The following RBFOX1 variants were observed in gnomAD, a reference collection of about 807,000 sequenced individuals.
The protein encoded by RBFOX1 is RNA binding fox-1 homolog 1, also known as RNA binding protein fox-1 homolog 1.
A neutral mutation model predicts 57.7 loss-of-function variants in RBFOX1; 8 were observed. The ratio of observed to expected loss-of-function variants is 0.14; its 90% CI spans 0.08 to 0.25. The LOEUF (loss-of-function observed/expected upper bound fraction) is 0.25. Ranked by LOEUF, RBFOX1 falls within the 10% of genes least tolerant of loss-of-function variation. The pLI is 1.00. For missense variants in RBFOX1, 611 were observed against 548.5 expected, an observed-to-expected ratio of 1.11 and a Z score of -1.14; for synonymous variants, 326 against 222.4, an observed-to-expected ratio of 1.47 and a Z score of -4.15.
At chr16:5,405,936 TG>T in intron 1 of RBFOX1, among the ~76,000 whole-genome samples, 1 of 152,122 alleles carries the variant, frequency 6.6e-6, no homozygotes, top group East Asian at 1.9e-4. Flanking sequence ...GAGAACGCTC[TG>T]GGGAAGAGAG....
At chr16:6,078,973 T>G (rs2152502422) in intron 1 of RBFOX1, among the ~76,000 whole-genome samples, 1 of 152,310 alleles carries the variant, frequency 6.6e-6, no homozygotes, top group Non-Finnish European at 1.5e-5. Flanking sequence ...TAGCCTTTAT[T>G]ATATTAGCTT....
At chr16:7,415,095 G>C (rs912067672) in intron 4 of RBFOX1, among the ~76,000 whole-genome samples, 2 of 152,200 alleles carry the variant, frequency 1.3e-5, no homozygotes, top group South Asian at 2.1e-4. Flanking sequence ...AAAGTCATTA[G>C]CAGTACCAAC....
At chr16:6,581,768 G>C (rs1395928702) in intron 2 of RBFOX1, among the ~76,000 whole-genome samples, 2 of 152,144 alleles carry the variant, frequency 1.3e-5, no homozygotes, top group African/African-American at 4.8e-5. Context: ...GGTTTTACTG[G>C]GAACTCTCAA....
At chr16:6,761,289 A>G (rs577757035) in intron 3 of RBFOX1, among the ~76,000 whole-genome samples, 1 of 152,138 alleles carries the variant, frequency 6.6e-6, no homozygotes, top group Non-Finnish European at 1.5e-5. Flanking sequence ...CAGAGAACTG[A>G]CACTTGGATA....
rs1350754453 is a variant in RBFOX1 at position 6,855,954 on chromosome 16, T to G, written c.-15-196103T>G. On this transcript the variant is annotated intron_variant, in intron 3 of 15. Coordinates refer to ENST00000550418, the MANE Select transcript of RBFOX1 (RefSeq NM_018723.4). ...GCACATATTCACTTCATGGGCTCTG[T>G]CATTTGTACCCAAAGACTCCTGCCT... Among the ~76,000 whole-genome samples, 4 of 152,060 alleles carry G rather than the reference T, an allele frequency of 2.6e-5. No individual in the cohort carries two copies. The East Asian group carries it at 7.8e-4, about 30-fold the overall frequency.
chr16:7,165,398 A>AATAATAATAATG (rs1327767794), intron 4 of RBFOX1, among the ~76,000 whole-genome samples: 31 of 147,370 alleles, frequency 2.1e-4, no homozygotes, highest in Admixed American at 2.0e-3. Flanking sequence ...TAATAATAAT[A>AATAATAATAATG]ATAATAATAA....
chr16:6,952,184 G>T (rs1421776671), intron 3 of RBFOX1, among the ~76,000 whole-genome samples: 2 of 152,176 alleles, frequency 1.3e-5, no homozygotes, highest in Non-Finnish European at 2.9e-5. Context: ...CACTCTGAGA[G>T]AAGGAATCCT....
At chr16:7,332,784 C>T in intron 4 of RBFOX1, 1 of 1,391,366 alleles carries the variant, frequency 7.2e-7, no homozygotes, top group South Asian at 1.7e-5. Flanking sequence ...TTTGCAGCTG[C>T]TGTGTCTCTT....
intron 4 of RBFOX1, among the ~76,000 whole-genome samples, chr16:7,222,615 G>T (rs968313323): frequency 6.6e-6 from 1 of 152,146 alleles, no homozygotes; most frequent in African/African-American, 2.4e-5. Flanking sequence ...CCTCTCTGCC[G>T]CTTATGATCT....
At chr16:7,710,273 T>G (rs1355023910) in intron 15 of RBFOX1, 3 of 1,109,086 alleles carry the variant, frequency 2.7e-6, no homozygotes, top group Non-Finnish European at 3.3e-6. Context: ...GTTGGAGAGT[T>G]GAATTACATT....
intron 2 of RBFOX1, among the ~76,000 whole-genome samples, chr16:6,492,016 G>A (rs1384539417): frequency 3.9e-5 from 6 of 152,150 alleles, no homozygotes; most frequent in Admixed American, 3.9e-4. Flanking sequence ...TGAATGGATA[G>A]ATGAGTAGAC....
chr16:7,135,896 A>T (rs189373894), intron 4 of RBFOX1, among the ~76,000 whole-genome samples: 2 of 152,338 alleles, frequency 1.3e-5, no homozygotes, highest in African/African-American at 4.8e-5. Flanking sequence ...TCTATTTTGC[A>T]TCTGGCACAC....
chr16:5,632,984 G>T (rs2048565745), intron 3 of RBFOX1, among the ~76,000 whole-genome samples: 2 of 136,692 alleles, frequency 1.5e-5, no homozygotes, highest in African/African-American at 2.8e-5. Flanking sequence ...TGTCACCTGG[G>T]CTGGAATGCA....
chr16:6,496,553 C>G (rs143899946), intron 2 of RBFOX1, among the ~76,000 whole-genome samples: 79 of 152,262 alleles, frequency 5.2e-4, no homozygotes, highest in African/African-American at 1.9e-3. Context: ...CACAGTTATC[C>G]AAAGCTGTTG....
chr16:6,838,408 T>G (rs2141331372), intron 3 of RBFOX1, among the ~76,000 whole-genome samples: 1 of 152,318 alleles, frequency 6.6e-6, no homozygotes, highest in South Asian at 2.1e-4. Flanking sequence ...TGTGCCACAT[T>G]TTCTTTATCC....
In RBFOX1 at chr16:6,438,474, T is replaced by C. The variant is rs1011011681; in HGVS notation, c.-64+121417T>C. ...GGTTTCATGGCATAGGGCTGGATGC[T>C]GTGTGCTTTGCTAGTCAATTTTAGT... On this transcript the variant is annotated intron_variant, in intron 2 of 15. Transcript: ENST00000550418. Among the ~76,000 whole-genome samples the C allele has an allele frequency of 4.6e-5, 7 of 152,216 alleles. No individual in the cohort carries two copies. In the East Asian group the frequency reaches 1.3e-3, roughly 29 times the overall value.
At chr16:7,525,499 C>T (rs995863288) in intron 5 of RBFOX1, among the ~76,000 whole-genome samples, 9 of 152,064 alleles carry the variant, frequency 5.9e-5, no homozygotes, top group African/African-American at 2.2e-4. Context: ...TGATCAATTA[C>T]CCTACAGAGA....
intron 4 of RBFOX1, among the ~76,000 whole-genome samples, chr16:7,462,314 G>C (rs1433496767): frequency 1.3e-5 from 2 of 152,182 alleles, no homozygotes; most frequent in African/African-American, 4.8e-5. Flanking sequence ...GGCCAATATG[G>C]TGAAACCTCA....
chr16:6,413,303 G>A lies in RBFOX1; in HGVS notation c.-64+96246G>A, dbSNP rs192598888. ...CATTGCACTCCAGCCTGCGCAACAA[G>A]AGAGAAACTACATCTCAAAAAAAAA... On this transcript the variant is annotated intron_variant, in intron 2 of 15. Coordinates refer to ENST00000550418, the MANE Select transcript of RBFOX1 (RefSeq NM_018723.4). Among the ~76,000 whole-genome samples, 119 of 130,444 alleles carry A rather than the reference G, an allele frequency of 9.1e-4. 1 individual carries two copies. The Middle Eastern group carries it at 0.018, about 20-fold the overall frequency. 85.6% of individuals were successfully genotyped at this position (130,444 alleles called of 152,430 possible).
Sources: gnomAD v4.1 joint callset for allele counts (sites outside exome capture counted in the v4.1 genomes callset) on GRCh38, gnomAD v4.1.1 for gene constraint, MANE v1.5 for transcripts, NCBI Gene and HGNC (gene_info 2026-07-23, HGNC 2026-07-21) for gene names.